The following TMEM260 variants were observed in gnomAD, a reference collection of about 807,000 sequenced individuals.
TMEM260 encodes the protein transmembrane protein 260.
TMEM260 carries 82 observed loss-of-function variants against 88.9 expected under a neutral mutation model. The observed-to-expected ratio is 0.92, with a 90% CI of 0.77 to 1.11. The LOEUF is 1.11. TMEM260 is among the 50% of genes least tolerant of loss of function. TMEM260 has a pLI of 0.00. For missense variants in TMEM260, 902 were observed against 853.4 expected, an observed-to-expected ratio of 1.06 and a Z score of -0.71; for synonymous variants, 314 against 309.3, an observed-to-expected ratio of 1.02 and a Z score of -0.16.
intron 3 of TMEM260, among the ~76,000 whole-genome samples, chr14:56,599,957 C>A (rs1218949100): frequency 6.6e-6 from 1 of 152,004 alleles, no homozygotes; most frequent in African/African-American, 2.4e-5. Context: ...AATTTTTCTT[C>A]CAAAATGAAA....
intron 1 of TMEM260, 110 bp from the exon 2 acceptor site, chr14:56,584,891 T>C: frequency 1.2e-6 from 1 of 810,602 alleles, no homozygotes; most frequent in Non-Finnish European, 2.1e-6. Flanking sequence ...TTTACAGTTT[T>C]ATCCAGTCAA....
At position 56,647,816 on chromosome 14, in the gene TMEM260, C is replaced by CTA. The variant is rs1890061027; in HGVS notation, c.*320_*321dup. 3.6e-6 allele frequency: 1 copy of CTA among 276,680 alleles called. No homozygotes were observed. Among genetic ancestry groups the CTA allele is most frequent in the South Asian group, 5.0e-5 (1 of 20,196 alleles). 17.1% of individuals were successfully genotyped at this position (276,680 alleles called of 1,614,324 possible). On this transcript the variant is annotated 3_prime_UTR_variant, in exon 16 of 16. Coordinates refer to ENST00000261556, the MANE Select transcript of TMEM260 (RefSeq NM_017799.4). ...AAGAGAATGAACCATTTTCATATAA[C>CTA]TAAATATTGGTCATGAACTGTGTAA...
downstream of TMEM260, among the ~76,000 whole-genome samples, chr14:56,651,465 T>G (rs1030544542): frequency 3.9e-5 from 6 of 152,186 alleles, no homozygotes; most frequent in Admixed American, 3.9e-4. Flanking sequence ...AAGTAGCGTT[T>G]CCAGCACTGT....
intron 10 of TMEM260, chr14:56,619,252 G>C (rs1887767399): frequency 6.4e-6 from 1 of 155,050 alleles, no homozygotes; most frequent in Admixed American, 6.4e-5. Flanking sequence ...GCTTACTACA[G>C]CCGTGAAATT....
In TMEM260 at chr14:56,647,243, C is replaced by T; in HGVS notation, c.1870C>T (p.Leu624Phe). The change falls in exon 16 of 16, where the codon CTT becomes TTT. Residue 624 changes from leucine to phenylalanine, a missense_variant and splice_region_variant. By Grantham distance (22) the Leu-to-Phe change is conservative. Coordinates refer to ENST00000261556, the MANE Select transcript of TMEM260 (RefSeq NM_017799.4). ...KAQLYAQAYD[L>F]YKEIVYLQKE... Reference sequence around the variant, plus strand: ...TACCAACATTTCTGCTGTTTTCTAGCTTTATAAGGAGATTGTCTATTTACA... The same window carrying T: ...TACCAACATTTCTGCTGTTTTCTAGTTTTATAAGGAGATTGTCTATTTACA... The T allele has an allele frequency of 6.2e-7, 1 of 1,606,720 alleles. No homozygotes were observed. Among genetic ancestry groups the T allele is most frequent in the Non-Finnish European group, 8.5e-7 (1 of 1,176,492 alleles).
chr14:56,609,997 T>C (rs1887152708), intron 6 of TMEM260, among the ~76,000 whole-genome samples: 1 of 152,174 alleles, frequency 6.6e-6, no homozygotes, highest in South Asian at 2.1e-4. Context: ...GAAGAGTATG[T>C]AGTATATAAT....
chr14:56,645,697 C>A (rs1889922517), intron 15 of TMEM260, among the ~76,000 whole-genome samples: 1 of 151,914 alleles, frequency 6.6e-6, no homozygotes, highest in African/African-American at 2.4e-5. Context: ...ATCTGTAAAA[C>A]AACAACAAAA....
chr14:56,589,887 A>G lies in TMEM260; in HGVS notation c.344+3975A>G, dbSNP rs17091756. 9.6e-3 allele frequency among the ~76,000 whole-genome samples: 1,467 copies of G among 152,314 alleles called. 48 individuals are homozygous for G. In the East Asian group the frequency reaches 0.099, roughly 10 times the overall value. Reference sequence around the variant, plus strand: ...TCAATAAAGAATAGAAAATTAAAATACCATACCTTAGAGAATGCGGAATCT... The same window carrying G: ...TCAATAAAGAATAGAAAATTAAAATGCCATACCTTAGAGAATGCGGAATCT... On this transcript the variant is annotated intron_variant, in intron 3 of 15. Coordinates refer to ENST00000261556, the MANE Select transcript of TMEM260 (RefSeq NM_017799.4).
chr14:56,607,122 C>G (rs990516037), intron 5 of TMEM260, among the ~76,000 whole-genome samples: 1 of 151,978 alleles, frequency 6.6e-6, no homozygotes, highest in African/African-American at 2.4e-5. Context: ...AATGGAGATA[C>G]GAAATATAAC....
At chr14:56,597,550 T>C (rs1034616424) in intron 3 of TMEM260, among the ~76,000 whole-genome samples, 6 of 152,184 alleles carry the variant, frequency 3.9e-5, no homozygotes, top group African/African-American at 1.2e-4. Context: ...TTTTATGTCA[T>C]GATGAGGGGC....
downstream of TMEM260, among the ~76,000 whole-genome samples, chr14:56,654,665 T>C (rs1033346914): frequency 2.0e-5 from 3 of 151,606 alleles, no homozygotes; most frequent in African/African-American, 7.3e-5. Flanking sequence ...AAATACAAAG[T>C]TAGCCAGGTG....
chr14:56,580,695 A>G (rs1885070829), intron 1 of TMEM260, among the ~76,000 whole-genome samples: 1 of 152,220 alleles, frequency 6.6e-6, no homozygotes, highest in Non-Finnish European at 1.5e-5. Flanking sequence ...AAAAGGTGGA[A>G]GCCAGGTGCG....
intron 3 of TMEM260, among the ~76,000 whole-genome samples, chr14:56,603,039 C>T (rs1431961299): frequency 1.3e-5 from 2 of 152,034 alleles, no homozygotes; most frequent in South Asian, 2.1e-4. Context: ...GTTTGATATG[C>T]ACTAGTAAAT....
At chr14:56,659,626 C>T in the TMEM260 span, among the ~76,000 whole-genome samples, 3 of 152,304 alleles carry the variant, frequency 2.0e-5, no homozygotes, top group Admixed American at 6.5e-5. Context: ...CCACTGGGCT[C>T]ACACCCAGCT....
intron 12 of TMEM260, among the ~76,000 whole-genome samples, chr14:56,632,451 G>T (rs1888683833): frequency 6.6e-6 from 1 of 152,118 alleles, no homozygotes; most frequent in Admixed American, 6.5e-5. Context: ...ATGCCACGAT[G>T]TTGCCTGGCA....
At chr14:56,594,366 A>G (rs529587512) in intron 3 of TMEM260, among the ~76,000 whole-genome samples, 17 of 152,312 alleles carry the variant, frequency 1.1e-4, no homozygotes, top group African/African-American at 3.1e-4. Flanking sequence ...GTAATAATCA[A>G]TTTCAGTGGG....
intron 3 of TMEM260, among the ~76,000 whole-genome samples, chr14:56,591,365 TTTA>T (rs1339734546): frequency 6.6e-6 from 1 of 152,230 alleles, no homozygotes; most frequent in Non-Finnish European, 1.5e-5. Context: ...ATCTGTATTG[TTTA>T]TTAAGTTGGT....
intron 15 of TMEM260, among the ~76,000 whole-genome samples, chr14:56,646,042 G>C (rs1434072057): frequency 6.6e-6 from 1 of 152,112 alleles, no homozygotes; most frequent in African/African-American, 2.4e-5. Flanking sequence ...CTGATCTCTG[G>C]CCTCGGCCTC....
intron 15 of TMEM260, 46 bp from the exon 16 acceptor site, chr14:56,647,197 A>G (rs1004406698): frequency 6.5e-7 from 1 of 1,533,656 alleles, no homozygotes; most frequent in Non-Finnish European, 8.7e-7. Context: ...AAAAAAAAAA[A>G]GTCAAAGAAT....
Sources: gnomAD v4.1 joint callset for allele counts (sites outside exome capture counted in the v4.1 genomes callset) on GRCh38, gnomAD v4.1.1 for gene constraint, MANE v1.5 for transcripts, NCBI Gene and HGNC (gene_info 2026-07-23, HGNC 2026-07-21) for gene names.